The following P2RY8 variants were observed in gnomAD, a reference collection of about 807,000 sequenced individuals.
P2RY8 encodes the protein P2Y receptor family member 8.
In P2RY8, 6 loss-of-function variants were observed where a neutral mutation model predicts 10.0. The ratio of observed to expected loss-of-function variants is 0.60; its 90% CI spans 0.33 to 1.19. P2RY8 has a LOEUF of 1.19. Among genes scored for constraint, P2RY8 ranks in the 50% most tolerant of loss-of-function variants. P2RY8 has a pLI of 0.04. For missense variants in P2RY8, 456 were observed against 542.0 expected (o/e 0.84, Z 1.58); for synonymous variants, 276 against 252.5 (o/e 1.09, Z -0.88).
intron 1 of P2RY8, among the ~76,000 whole-genome samples, chrX:1,498,104 G>A (rs186573570): frequency 3.8e-4 from 58 of 152,102 alleles, no homozygotes; most frequent in African/African-American, 1.3e-3. Context: ...AGCACCCACA[G>A]TGTCAGAAAA....
intron 1 of P2RY8, among the ~76,000 whole-genome samples, chrX:1,527,342 A>C (rs1226781829): frequency 6.6e-6 from 1 of 151,934 alleles, no homozygotes; most frequent in Non-Finnish European, 1.5e-5. Flanking sequence ...CCATCCGTTT[A>C]TCCATCCACT....
At chrX:1,536,560 C>T (rs1181463440) in intron 1 of P2RY8, among the ~76,000 whole-genome samples, 16 of 151,910 alleles carry the variant, frequency 1.1e-4, no homozygotes, top group African/African-American at 3.6e-4. Context: ...CCACGCCTGG[C>T]TAATTTTTGT....
chrX:1,507,950 C>A (rs1451231326), intron 1 of P2RY8, among the ~76,000 whole-genome samples: 1 of 152,050 alleles, frequency 6.6e-6, no homozygotes, highest in Non-Finnish European at 1.5e-5. Context: ...CCGGGCGGGA[C>A]CAGGCGGGAC....
chrX:1,497,147 G>A (rs180916767), intron 1 of P2RY8, among the ~76,000 whole-genome samples: 15 of 148,898 alleles, frequency 1.0e-4, no homozygotes, highest in South Asian at 8.6e-4. Flanking sequence ...ACTTCAACCC[G>A]GGAGGTGGAG....
chrX:1,487,532 G>A (rs191361775), intron 1 of P2RY8, among the ~76,000 whole-genome samples: 10 of 152,184 alleles, frequency 6.6e-5, no homozygotes, highest in South Asian at 2.1e-4. Flanking sequence ...AGAAGATGCC[G>A]CACTCTGCCT....
chrX:1,530,269 T>TTATCTATCTATC (rs770613678), intron 1 of P2RY8, among the ~76,000 whole-genome samples: 154 of 148,400 alleles, frequency 1.0e-3, no homozygotes, highest in South Asian at 2.2e-3. Flanking sequence ...ATCATCACCA[T>TTATCTATCTATC]TATCTATCTA....
chrX:1,474,556 G>GTGGATGGA (rs768305692), intron 1 of P2RY8, among the ~76,000 whole-genome samples: 7 of 87,066 alleles, frequency 8.0e-5, no homozygotes, highest in African/African-American at 2.6e-4. Flanking sequence ...GTATGGGTGT[G>GTGGATGGA]TGGATGGATG....
At chrX:1,503,363 G>A (rs183059686) in intron 1 of P2RY8, among the ~76,000 whole-genome samples, 1 of 152,334 alleles carries the variant, frequency 6.6e-6, no homozygotes, top group East Asian at 1.9e-4. Context: ...GGGACTCACA[G>A]AAATGGCTTT....
intron 1 of P2RY8, among the ~76,000 whole-genome samples, chrX:1,466,958 G>C (rs2149371491): frequency 7.8e-6 from 1 of 128,610 alleles, no homozygotes; most frequent in South Asian, 2.8e-4. Flanking sequence ...CCACGTCAGA[G>C]GCTGAGACTC....
intron 1 of P2RY8, among the ~76,000 whole-genome samples, chrX:1,507,730 T>C (rs1361189575): frequency 6.6e-6 from 1 of 152,184 alleles, no homozygotes; most frequent in Non-Finnish European, 1.5e-5. Context: ...AGTAGCTTCA[T>C]GTTGAGTTTG....
At chrX:1,478,594 T>C (rs1195093596) in intron 1 of P2RY8, among the ~76,000 whole-genome samples, 23 of 152,042 alleles carry the variant, frequency 1.5e-4, no homozygotes, top group African/African-American at 5.3e-4. Flanking sequence ...TTCTCTTGCC[T>C]CAGCCTCCTG....
chrX:1,493,408 G>GAGGAGGAAGGAGGA (rs1389307819), intron 1 of P2RY8, among the ~76,000 whole-genome samples: 1 of 14,998 alleles, frequency 6.7e-5, no homozygotes, highest in Non-Finnish European at 2.6e-4. Context: ...AAGGAGGAAG[G>GAGGAGGAAGGAGGA]AGGAGGAAGG....
intron 1 of P2RY8, among the ~76,000 whole-genome samples, chrX:1,495,956 A>G (rs1417483897): frequency 5.7e-5 from 8 of 139,220 alleles, no homozygotes; most frequent in East Asian, 2.3e-4. Flanking sequence ...GGAGAAGTCG[A>G]TGTCTCTAAG....
Position 1,466,666 on chromosome X carries a change from C to T in P2RY8, c.-24-84G>A. 4.4e-6 allele frequency: 6 copies of T among 1,349,670 alleles called. 1 individual carries two copies. In the South Asian group the frequency reaches 6.9e-5, roughly 16 times the overall value. 83.6% of individuals were successfully genotyped at this position (1,349,670 alleles called of 1,614,324 possible). A position where few individuals can be genotyped will look rare whatever the true frequency, so the allele number is the denominator to read the frequency against. On this transcript the variant is annotated intron_variant, in intron 1 of 1. Transcript: ENST00000381297. ...CGGGAGGGCTCCTGAGCGCCGCTCC[C>T]CGGGGACCAAGGCGGGGGAGATGCT...
At chrX:1,532,918 G>A (rs1434148927) in intron 1 of P2RY8, among the ~76,000 whole-genome samples, 10 of 134,028 alleles carry the variant, frequency 7.5e-5, no homozygotes, top group Non-Finnish European at 1.5e-4. Context: ...CAGGAGAATC[G>A]CTTGAATCCG....
chrX:1,463,219 G>A lies in P2RY8; in HGVS notation c.*2260C>T, dbSNP rs192794292. 2.8e-3 allele frequency: 661 copies of A among 233,122 alleles called. 9 individuals are homozygous for A. The highest frequency in any genetic ancestry group is 0.013 in the African/African-American group (574 of 45,444). 14.4% of individuals were successfully genotyped at this position (233,122 alleles called of 1,614,324 possible). ...CCCAAGGCCCACGCTCAGCACTTGC[G>A]ACCTGTACTCCTGCAGCCTGGATGC... On this transcript the variant is annotated 3_prime_UTR_variant, in exon 2 of 2. Coordinates refer to ENST00000381297, the MANE Select transcript of P2RY8 (RefSeq NM_178129.5).
At chrX:1,481,635 CCAGCTTTG>C (rs1569536932) in intron 1 of P2RY8, among the ~76,000 whole-genome samples, 1 of 121,612 alleles carries the variant, frequency 8.2e-6, no homozygotes, top group African/African-American at 4.1e-5. Context: ...TTAGGAGAGT[CCAGCTTTG>C]GGTTTAGTGG....
At chrX:1,487,946 TA>T (rs1199017541) in intron 1 of P2RY8, among the ~76,000 whole-genome samples, 2 of 151,972 alleles carry the variant, frequency 1.3e-5, no homozygotes, top group Non-Finnish European at 2.9e-5. Context: ...CCGTCTCTAC[TA>T]AAACTATAAA....
chrX:1,484,984 G>A (rs1487865850), intron 1 of P2RY8, among the ~76,000 whole-genome samples: 1 of 103,650 alleles, frequency 9.6e-6, no homozygotes, highest in Non-Finnish European at 1.8e-5. Context: ...ATGTAATAAT[G>A]TCTTTTTTTT....
Sources: gnomAD v4.1 joint callset for allele counts (sites outside exome capture counted in the v4.1 genomes callset) on GRCh38, gnomAD v4.1.1 for gene constraint, MANE v1.5 for transcripts, NCBI Gene and HGNC (gene_info 2026-07-23, HGNC 2026-07-21) for gene names.